Variants in VPS13B observed in about 807,000 individuals in gnomAD.
The protein encoded by VPS13B is intermembrane lipid transfer protein VPS13B.
Under a neutral mutation model 426.4 loss-of-function variants are expected in VPS13B, and 285 were observed. The ratio of observed to expected loss-of-function variants is 0.67; its 90% CI spans 0.61 to 0.74. The LOEUF (loss-of-function observed/expected upper bound fraction) is 0.74, where lower values mean the gene tolerates loss of function less well. VPS13B is among the 30% of genes least tolerant of loss of function. The pLI, the probability that VPS13B is intolerant of heterozygous loss-of-function variation, is 0.00. For missense variants in VPS13B, 4,537 were observed against 4,782.6 expected, an observed-to-expected ratio of 0.95 and a Z score of 1.51; for synonymous variants, 1,676 against 1,676.4, an observed-to-expected ratio of 1.00 and a Z score of 0.01.
intron 30 of VPS13B, among the ~76,000 whole-genome samples, chr8:99,535,845 GA>G (rs1420850666): frequency 1.3e-5 from 2 of 151,940 alleles, no homozygotes; most frequent in African/African-American, 4.8e-5. Context: ...TTTACATTGT[GA>G]AAACTTTTAT....
In VPS13B at chr8:99,372,737, A is replaced by G. The variant is rs552191250; in HGVS notation, c.2825-11471A>G. 2.6e-5 allele frequency among the ~76,000 whole-genome samples: 4 copies of G among 152,364 alleles called. No individual in the cohort carries two copies. In the South Asian group the frequency reaches 6.2e-4, roughly 24 times the overall value. On this transcript the variant is annotated intron_variant, in intron 19 of 61. Coordinates refer to ENST00000357162, the MANE Select transcript of VPS13B (RefSeq NM_152564.5). The stretch of plus-strand genomic sequence containing the variant: ...GGCAGGAGTGTAAATTAGTTCAACC[A>G]TCATGGACGACAGTGTGGCAATTCC...
intron 52 of VPS13B, 65 bp downstream of exon 52, chr8:99,832,717 C>A: frequency 6.5e-7 from 1 of 1,531,598 alleles, no homozygotes; most frequent in Non-Finnish European, 9.0e-7. Flanking sequence ...CATCTAGATG[C>A]CAAGAGAGAT....
chr8:99,022,150 A>G (rs975514435), intron 2 of VPS13B, among the ~76,000 whole-genome samples: 1 of 146,596 alleles, frequency 6.8e-6, no homozygotes, highest in Admixed American at 6.7e-5. Context: ...AATTTCTTTC[A>G]CTTTTTTTGG....
chr8:99,032,448 T>A (rs1270391261), intron 2 of VPS13B, among the ~76,000 whole-genome samples: 1 of 152,124 alleles, frequency 6.6e-6, no homozygotes, highest in Non-Finnish European at 1.5e-5. Context: ...ATTTCTTTTG[T>A]AATAAATTGA....
intron 19 of VPS13B, among the ~76,000 whole-genome samples, chr8:99,345,669 T>C (rs1274111418): frequency 6.6e-6 from 1 of 152,218 alleles, no homozygotes; most frequent in Non-Finnish European, 1.5e-5. Flanking sequence ...GCTTCTTATT[T>C]TCCCTACATG....
chr8:99,116,744 A>G (rs1277753155), intron 7 of VPS13B, among the ~76,000 whole-genome samples: 1 of 152,210 alleles, frequency 6.6e-6, no homozygotes, highest in Non-Finnish European at 1.5e-5. Context: ...CAGGATATAC[A>G]TTTGATAAAA....
At position 99,661,739 on chromosome 8, in the gene VPS13B, G is replaced by A. The variant is rs940314045; in HGVS notation, c.6046+248G>A. On this transcript the variant is annotated intron_variant, in intron 35 of 61. Coordinates refer to ENST00000357162, the MANE Select transcript of VPS13B (RefSeq NM_152564.5). ...AAAGAATAGTTGACTGGAAGCCAAA[G>A]CCCCAATATTTTATTTCTACCTTTC... is the stretch of plus-strand genomic sequence containing the variant. 7.9e-5 allele frequency among the ~76,000 whole-genome samples: 12 copies of A among 152,180 alleles called. No homozygotes were observed. The East Asian group carries it at 2.1e-3, about 27-fold the overall frequency.
chr8:99,665,701 A>T (rs1391801171), intron 35 of VPS13B, among the ~76,000 whole-genome samples: 1 of 152,166 alleles, frequency 6.6e-6, no homozygotes, highest in Admixed American at 6.6e-5. Flanking sequence ...TACCAGTACC[A>T]TGCTGTTTTG....
At chr8:99,783,689 C>T (rs1812126482) in intron 42 of VPS13B, among the ~76,000 whole-genome samples, 1 of 152,174 alleles carries the variant, frequency 6.6e-6, no homozygotes, top group African/African-American at 2.4e-5. Flanking sequence ...AACATTATTT[C>T]TCAAGAAAAC....
chr8:99,134,754 T>G, intron 9 of VPS13B, 27 bp downstream of exon 9: 2 of 1,536,754 alleles, frequency 1.3e-6, no homozygotes, highest in Non-Finnish European at 1.8e-6. Flanking sequence ...GAACCTGTAT[T>G]TTTAAATATT....
chr8:99,600,045 A>G (rs1014201484), intron 33 of VPS13B, among the ~76,000 whole-genome samples: 4 of 152,092 alleles, frequency 2.6e-5, no homozygotes, highest in Non-Finnish European at 4.4e-5. Flanking sequence ...ACTTCAGTAA[A>G]CCTAGCTTTA....
At position 99,577,636 on chromosome 8, in the gene VPS13B, A is replaced by G. The variant is rs754317532; in HGVS notation, c.5220+3A>G. 6 of 1,613,342 alleles carry G rather than the reference A, an allele frequency of 3.7e-6. No homozygotes were observed. Among genetic ancestry groups the G allele is most frequent in the Non-Finnish European group, 2.5e-6 (3 of 1,179,722 alleles). On this transcript the variant is annotated splice_donor_region_variant and intron_variant, in intron 33 of 61. Coordinates refer to ENST00000357162, the MANE Select transcript of VPS13B (RefSeq NM_152564.5). ...AACCATCAAACAAGGCTGCAGAGGT[A>G]ACTGTTACCTGATTTTGATCAGGCT...
chr8:99,781,026 C>T (rs1811996584), intron 42 of VPS13B, among the ~76,000 whole-genome samples: 2 of 152,144 alleles, frequency 1.3e-5, no homozygotes, highest in South Asian at 4.1e-4. Flanking sequence ...GATTTTAGTT[C>T]TCCACATACC....
intron 16 of VPS13B, among the ~76,000 whole-genome samples, chr8:99,170,974 T>C (rs1310027005): frequency 1.3e-5 from 2 of 151,692 alleles, no homozygotes; most frequent in Non-Finnish European, 3.0e-5. Flanking sequence ...TAATTTCTTA[T>C]CTAAAATACT....
intron 17 of VPS13B, among the ~76,000 whole-genome samples, chr8:99,262,920 G>A (rs1230200802): frequency 6.6e-6 from 1 of 151,974 alleles, no homozygotes. Flanking sequence ...CCACAGGTGT[G>A]TGTCACCATG....
At chr8:99,599,723 A>G (rs1025684880) in intron 33 of VPS13B, among the ~76,000 whole-genome samples, 3 of 152,142 alleles carry the variant, frequency 2.0e-5, no homozygotes, top group African/African-American at 7.2e-5. Flanking sequence ...CTCTTCCTCA[A>G]AGGTTTTCCA....
chr8:99,730,519 A>T (rs1833550168), intron 39 of VPS13B, among the ~76,000 whole-genome samples: 1 of 152,154 alleles, frequency 6.6e-6, no homozygotes, highest in Non-Finnish European at 1.5e-5. Flanking sequence ...TAATGTTGTA[A>T]AAGTATGAAA....
chr8:99,517,047 G>A (rs1588455528), intron 29 of VPS13B, among the ~76,000 whole-genome samples: 1 of 152,158 alleles, frequency 6.6e-6, no homozygotes, highest in Non-Finnish European at 1.5e-5. Context: ...TCAACTGCCA[G>A]TATGGCAATA....
At chr8:99,403,834 C>T (rs577422606) in intron 21 of VPS13B, among the ~76,000 whole-genome samples, 1 of 152,298 alleles carries the variant, frequency 6.6e-6, no homozygotes, top group African/African-American at 2.4e-5. Context: ...AGGTTTAAAA[C>T]ACATTACTGT....
Sources: gnomAD v4.1 joint callset for allele counts (sites outside exome capture counted in the v4.1 genomes callset) on GRCh38, gnomAD v4.1.1 for gene constraint, MANE v1.5 for transcripts, NCBI Gene and HGNC (gene_info 2026-07-23, HGNC 2026-07-21) for gene names.